RACK1: variants seen among roughly 807,000 people sequenced by gnomAD.
RACK1 encodes receptor for activated C kinase 1.
Under a neutral mutation model 42.2 loss-of-function variants are expected in RACK1, and 3 were observed. The ratio of observed to expected loss-of-function variants is 0.07; its 90% CI spans 0.03 to 0.18. The LOEUF (loss-of-function observed/expected upper bound fraction) is 0.18, where lower values mean the gene tolerates loss of function less well. Ranked by LOEUF, RACK1 falls within the 10% of genes least tolerant of loss-of-function variation. The probability of loss-of-function intolerance (pLI) is 1.00; values close to 1 mark genes in which losing one functional copy is unlikely to be tolerated. For synonymous variants in RACK1, 181 were observed against 154.8 expected (o/e 1.17, Z -1.25); for missense variants, 146 against 403.2 (o/e 0.36, Z 5.46).
chr5:181,242,078 G>A, intron 2 of RACK1, 96 bp downstream of exon 2: 4 of 1,105,658 alleles, frequency 3.6e-6, no homozygotes, highest in South Asian at 2.8e-5. Context: ...GTTCCCAAAT[G>A]GACTGGATCT....
Position 181,243,682 on chromosome 5 carries a change from T to G in RACK1, c.109+10A>C. 6.3e-7 allele frequency: 1 copy of G among 1,588,534 alleles called. No individual in the cohort carries two copies. Among genetic ancestry groups the G allele is most frequent in the Non-Finnish European group, 8.6e-7 (1 of 1,167,258 alleles). On this transcript the variant is annotated intron_variant, in intron 1 of 7. Coordinates refer to ENST00000512805, the MANE Select transcript of RACK1 (RefSeq NM_006098.5). ...CAATCTCGGGTCCTGAAATCTACCT[T>G]AGTCCGTACCTCGAGAGGCGGAGAG...
chr5:181,242,464 G>A, intron 1 of RACK1, 119 bp from the exon 2 acceptor site: 1 of 705,194 alleles, frequency 1.4e-6, no homozygotes, highest in South Asian at 1.7e-5. Flanking sequence ...GACGCTTAAG[G>A]AGGGATGGAA....
At chr5:181,241,374 G>C (rs1759338012) in intron 3 of RACK1, 118 bp downstream of exon 3, 1 of 865,184 alleles carries the variant, frequency 1.2e-6, no homozygotes. Context: ...AGGTTGCAGT[G>C]AGCCGAGACT....
chr5:181,239,813 G>A (rs73365993), intron 3 of RACK1, among the ~76,000 whole-genome samples: 1,696 of 152,294 alleles, frequency 0.011, 26 homozygotes, highest in African/African-American at 0.038. Context: ...GGGAGGGCGA[G>A]GTAAGTGGAT....
chr5:181,238,186 T>C lies in RACK1; in HGVS notation c.690A>G (p.Leu230=), dbSNP rs776071682. The C allele has an allele frequency of 6.2e-7, 1 of 1,614,064 alleles. No homozygotes were observed. The highest frequency in any genetic ancestry group is 1.1e-5 in the South Asian group (1 of 91,082). The stretch of plus-strand genomic sequence containing the variant: ...GGGCGTTGATGATGTCCCCACCATC[T>C]AGCGTGTAAAGGTGTTTGCCTTCGT... ...DLNEGKHLYT[L]DGGDIINALC... The change falls in exon 6 of 8, where the codon CTA becomes CTG. Residue 230 remains leucine, a synonymous_variant. Coordinates refer to ENST00000512805, the MANE Select transcript of RACK1 (RefSeq NM_006098.5).
At position 181,236,941 on chromosome 5, in the gene RACK1, G is replaced by A. The variant is rs961925115; in HGVS notation, c.*36C>T. 1.5e-6 allele frequency: 2 copies of A among 1,371,470 alleles called. No homozygotes were observed. Among genetic ancestry groups the A allele is most frequent in the Admixed American group, 2.4e-5 (1 of 41,722 alleles). 85.0% of individuals were successfully genotyped at this position (1,371,470 alleles called of 1,614,324 possible). ...AAAAACCTAAAAGTCAGAAAAGCCA[G>A]TTTTTTTTTTATTTGTAAAGCTCTG... On this transcript the variant is annotated 3_prime_UTR_variant, in exon 8 of 8. Coordinates refer to ENST00000512805, the MANE Select transcript of RACK1 (RefSeq NM_006098.5).
intron 5 of RACK1, 118 bp downstream of exon 5, chr5:181,238,949 A>G (rs747684668): frequency 2.7e-5 from 21 of 777,790 alleles, no homozygotes; most frequent in Non-Finnish European, 5.0e-5. Flanking sequence ...CCATTATCTC[A>G]TTATCCTCCT....
Position 181,243,876 on chromosome 5 carries a change from T to G in RACK1, c.-76A>C. On this transcript the variant is annotated 5_prime_UTR_variant, in exon 1 of 8. Coordinates refer to ENST00000512805, the MANE Select transcript of RACK1 (RefSeq NM_006098.5). ...GCTTAGAGAAACTAGCACCACAACC[T>G]CTCCTGCCGCCGCCTTGCAGTGAAA... 2 of 1,488,238 alleles carry G rather than the reference T, an allele frequency of 1.3e-6. No individual in the cohort carries two copies. The highest frequency in any genetic ancestry group is 1.8e-6 in the Non-Finnish European group (2 of 1,114,366). The allele number at this position is 1,488,238 out of a possible 1,614,324, so 92.2% of individuals were successfully genotyped here.
At chr5:181,240,660 C>T (rs1424962001) in intron 3 of RACK1, among the ~76,000 whole-genome samples, 7 of 151,718 alleles carry the variant, frequency 4.6e-5, no homozygotes, top group Non-Finnish European at 1.0e-4. Context: ...CCCAAATCTG[C>T]GATCTAGCCC....
chr5:181,239,219 G>C (rs1759252861), intron 4 of RACK1, 42 bp from the exon 5 acceptor site: 2 of 1,291,688 alleles, frequency 1.5e-6, no homozygotes, highest in Non-Finnish European at 2.3e-6. Context: ...CCTAGCTCTT[G>C]ATGAGCTAGG....
At chr5:181,237,188 C>T (rs1186486524) in intron 7 of RACK1, 146 bp from the exon 8 acceptor site, 7 of 1,443,764 alleles carry the variant, frequency 4.8e-6, no homozygotes, top group East Asian at 2.5e-5. Flanking sequence ...TGGCTCACTA[C>T]AGCCTTAAGC....
intron 3 of RACK1, chr5:181,240,239 C>T (rs1372776000): frequency 6.0e-6 from 1 of 168,052 alleles, no homozygotes; most frequent in Non-Finnish European, 1.3e-5. Flanking sequence ...CCTGTAGTCC[C>T]AGCGACTCGG....
At chr5:181,241,167 G>A (rs1040003105) in intron 3 of RACK1, 1 of 189,784 alleles carries the variant, frequency 5.3e-6, no homozygotes, top group Admixed American at 5.7e-5. Context: ...GGGGGCTCAC[G>A]CCTGTAATCC....
At chr5:181,243,446 C>T (rs989051087) in intron 1 of RACK1, 6 of 1,496,368 alleles carry the variant, frequency 4.0e-6, no homozygotes, top group Non-Finnish European at 4.4e-6. Flanking sequence ...AAGTTTCCAA[C>T]TCTCCAACCC....
rs1346655744 is a variant in RACK1 at position 181,241,657 on chromosome 5, G to A, written c.282-18C>T. 6.2e-7 allele frequency: 1 copy of A among 1,613,288 alleles called. No homozygotes were observed. Among genetic ancestry groups the A allele is most frequent in the African/African-American group, 1.3e-5 (1 of 74,914 alleles). On this transcript the variant is annotated intron_variant, in intron 2 of 7. Transcript: ENST00000512805. ...TGGTGCCCCTGAGAGGGAGGAGTTT[G>A]TCATTCTCAGACTTAGCAAACACTC...
In RACK1 at chr5:181,243,806, C is replaced by A. The variant is rs959783483; in HGVS notation, c.-6G>T. 4 of 1,597,488 alleles carry A rather than the reference C, an allele frequency of 2.5e-6. No individual in the cohort carries two copies. Among genetic ancestry groups the A allele is most frequent in the Middle Eastern group, 1.7e-4 (1 of 5,940 alleles). ...AGGGTCATCTGCTCAGTCATGGCGG[C>A]GGCGAGAGCGTGTGTCGCTGCAGCG... On this transcript the variant is annotated 5_prime_UTR_variant, in exon 1 of 8. Transcript: ENST00000512805.
rs1279739 is a variant in RACK1 at position 181,243,172 on chromosome 5, A to G, written c.109+520T>C. ...TCTTAACAGTGTAGCAGCAAAGCGG[A>G]AGCACAAGAAGCGTCTAAACGCAGT... On this transcript the variant is annotated intron_variant, in intron 1 of 7. Transcript: ENST00000512805. 7,611 of 806,856 alleles carry G rather than the reference A, an allele frequency of 9.4e-3. 351 individuals carry two copies. The African/African-American group carries it at 0.11, about 12-fold the overall frequency. The allele number at this position is 806,856 out of a possible 1,614,324, so 50.0% of individuals were successfully genotyped here. A position where few individuals can be genotyped will look rare whatever the true frequency, so the allele number is the denominator to read the frequency against.
intron 1 of RACK1, chr5:181,242,843 G>A (rs1011693837): frequency 3.0e-6 from 1 of 328,308 alleles, no homozygotes; most frequent in Non-Finnish European, 5.9e-6. Flanking sequence ...ATAGGCGTGA[G>A]CCACCGCGCC....
chr5:181,242,540 G>C, intron 1 of RACK1, 195 bp from the exon 2 acceptor site: 1 of 679,868 alleles, frequency 1.5e-6, no homozygotes, highest in Non-Finnish European at 2.7e-6. Context: ...AACGCACGTA[G>C]AGGTAAACTG....
Sources: allele counts gnomAD v4.1 joint callset (sites outside exome capture counted in the v4.1 genomes callset), GRCh38; gene constraint gnomAD v4.1.1; transcripts MANE v1.5; gene names NCBI Gene and HGNC (gene_info 2026-07-23, HGNC 2026-07-21).